BCL2: variants seen among roughly 807,000 people sequenced by gnomAD.
BCL2 encodes apoptosis regulator Bcl-2.
A neutral mutation model predicts 14.2 loss-of-function variants in BCL2; 1 was observed. That is an observed-to-expected ratio of 0.07 (90% CI 0.02 to 0.33). BCL2 has a LOEUF of 0.33. BCL2 is among the 10% of genes least tolerant of loss of function. BCL2 has a pLI of 0.99. For synonymous variants in BCL2, 151 were observed against 137.2 expected (o/e 1.10, Z -0.70); for missense variants, 247 against 305.9 (o/e 0.81, Z 1.44).
intron 2 of BCL2, among the ~76,000 whole-genome samples, chr18:63,213,510 A>C (rs1910105125): frequency 1.3e-5 from 2 of 148,668 alleles, no homozygotes; most frequent in South Asian, 4.3e-4. Flanking sequence ...GGTTCAGATG[A>C]GTTGTACACA....
At chr18:63,160,883 G>A (rs1914903779) in intron 2 of BCL2, among the ~76,000 whole-genome samples, 1 of 152,096 alleles carries the variant, frequency 6.6e-6, no homozygotes, top group South Asian at 2.1e-4. Flanking sequence ...GACCAGAGGT[G>A]GAAGACCTGC....
At chr18:63,152,886 G>A (rs8093973) in intron 2 of BCL2, among the ~76,000 whole-genome samples, 2 of 152,100 alleles carry the variant, frequency 1.3e-5, no homozygotes, top group African/African-American at 2.4e-5. Context: ...ACTACAAGAC[G>A]TGAGTATACC....
intron 2 of BCL2, among the ~76,000 whole-genome samples, chr18:63,277,998 A>G (rs765118842): frequency 6.6e-6 from 1 of 152,170 alleles, no homozygotes; most frequent in Non-Finnish European, 1.5e-5. Flanking sequence ...CAACTTCTGC[A>G]ACTCCATACC....
intron 2 of BCL2, among the ~76,000 whole-genome samples, chr18:63,201,394 G>A (rs1483288602): frequency 6.6e-6 from 1 of 152,096 alleles, no homozygotes; most frequent in Admixed American, 6.5e-5. Flanking sequence ...GTACCTTGGG[G>A]GAATCTCCTT....
chr18:63,161,432 C>T (rs1470304472), intron 2 of BCL2, among the ~76,000 whole-genome samples: 2 of 152,172 alleles, frequency 1.3e-5, no homozygotes, highest in East Asian at 3.8e-4. Flanking sequence ...GACAGAATTC[C>T]TTCTTCTTTG....
intron 2 of BCL2, among the ~76,000 whole-genome samples, chr18:63,155,045 T>C (rs759368925): frequency 6.6e-6 from 1 of 152,186 alleles, no homozygotes; most frequent in Non-Finnish European, 1.5e-5. Flanking sequence ...CAGCTTCACC[T>C]TACCCAAGAT....
At chr18:63,173,325 G>A (rs994868375) in intron 2 of BCL2, among the ~76,000 whole-genome samples, 5 of 151,234 alleles carry the variant, frequency 3.3e-5, no homozygotes, top group African/African-American at 7.3e-5. Flanking sequence ...TAGGCTCACC[G>A]TTAAAATACA....
chr18:63,262,667 A>C (rs1279046926), intron 2 of BCL2, among the ~76,000 whole-genome samples: 1 of 152,166 alleles, frequency 6.6e-6, no homozygotes, highest in African/African-American at 2.4e-5. Context: ...CTCACTGCAG[A>C]CTAGAGGGAT....
intron 2 of BCL2, among the ~76,000 whole-genome samples, chr18:63,178,020 G>A (rs766111750): frequency 2.6e-5 from 4 of 152,198 alleles, no homozygotes; most frequent in Admixed American, 6.5e-5. Context: ...CACAGTCCCA[G>A]TGTGAGCTCA....
intron 2 of BCL2, among the ~76,000 whole-genome samples, chr18:63,297,297 A>C (rs1048031865): frequency 1.9e-4 from 29 of 152,248 alleles, no homozygotes; most frequent in African/African-American, 6.8e-4. Flanking sequence ...TATTTTATTA[A>C]ACTAATACAT....
chr18:63,136,582 A>C (rs980417629), intron 2 of BCL2, among the ~76,000 whole-genome samples: 7 of 152,188 alleles, frequency 4.6e-5, no homozygotes, highest in Admixed American at 6.5e-5. Flanking sequence ...GGGAAGGGAG[A>C]GAAAAAAAGG....
At position 63,224,374 on chromosome 18, in the gene BCL2, T is replaced by C. The variant is rs4987776; in HGVS notation, c.585+93708A>G. On this transcript the variant is annotated intron_variant, in intron 2 of 2. Coordinates refer to ENST00000333681, the MANE Select transcript of BCL2 (RefSeq NM_000633.3). ...AACAGTCATCGTGAAATTTAGAATA[T>C]AGGGGGACAGGAAAAATCAGAGGTT... Among the ~76,000 whole-genome samples the C allele has an allele frequency of 7.8e-4, 119 of 152,044 alleles. 1 individual carries two copies. The highest frequency in any genetic ancestry group is 6.8e-3 in the Middle Eastern group (2 of 294).
intron 2 of BCL2, among the ~76,000 whole-genome samples, chr18:63,232,445 A>G (rs1034051273): frequency 6.6e-6 from 1 of 152,150 alleles, no homozygotes; most frequent in Non-Finnish European, 1.5e-5. Context: ...GGAAAAAACA[A>G]CCCACTACAA....
At chr18:63,173,991 A>G (rs1285110857) in intron 2 of BCL2, among the ~76,000 whole-genome samples, 3 of 152,158 alleles carry the variant, frequency 2.0e-5, no homozygotes, top group African/African-American at 7.2e-5. Context: ...GCTTTGGAAA[A>G]TCTCTGAAAA....
chr18:63,282,618 A>T (rs1216958213), intron 2 of BCL2, among the ~76,000 whole-genome samples: 1 of 152,120 alleles, frequency 6.6e-6, no homozygotes, highest in East Asian at 1.9e-4. Context: ...GCCATTACAC[A>T]TTTTACTTAC....
At chr18:63,304,794 A>G (rs1363312010) in intron 2 of BCL2, among the ~76,000 whole-genome samples, 2 of 152,222 alleles carry the variant, frequency 1.3e-5, no homozygotes, top group Non-Finnish European at 2.9e-5. Flanking sequence ...TTACAGGACT[A>G]CACTTACGGG....
At chr18:63,297,362 T>C (rs1599297529) in intron 2 of BCL2, among the ~76,000 whole-genome samples, 1 of 152,200 alleles carries the variant, frequency 6.6e-6, no homozygotes, top group African/African-American at 2.4e-5. Context: ...GATAAAATAT[T>C]TTGCATTCAT....
intron 2 of BCL2, chr18:63,302,497 G>A (rs1568263698): frequency 7.1e-6 from 7 of 985,152 alleles, no homozygotes; most frequent in Non-Finnish European, 8.4e-6. Context: ...GAAATACCAC[G>A]AAGCTCTACT....
intron 2 of BCL2, among the ~76,000 whole-genome samples, chr18:63,136,205 C>T (rs750656741): frequency 1.3e-5 from 2 of 152,102 alleles, no homozygotes; most frequent in Non-Finnish European, 2.9e-5. Flanking sequence ...TCTTATATAC[C>T]ACCCCTATGA....
Sources: allele counts gnomAD v4.1 joint callset (sites outside exome capture counted in the v4.1 genomes callset), GRCh38; gene constraint gnomAD v4.1.1; transcripts MANE v1.5; gene names NCBI Gene and HGNC (gene_info 2026-07-23, HGNC 2026-07-21).